The following MORN3 variants were observed in gnomAD, a reference collection of about 807,000 sequenced individuals.
The protein encoded by MORN3 is MORN repeat containing 3, also known as MORN repeat-containing protein 3.
A neutral mutation model predicts 34.7 loss-of-function variants in MORN3; 38 were observed. The observed-to-expected ratio is 1.10, with a 90% CI of 0.85 to 1.44. The LOEUF is 1.44. Ranked by LOEUF, MORN3 falls within the 40% of genes most tolerant of loss-of-function variation. The pLI is 0.00. For synonymous variants in MORN3, 109 were observed against 115.3 expected, an observed-to-expected ratio of 0.95 and a Z score of 0.35; for missense variants, 311 against 321.7, an observed-to-expected ratio of 0.97 and a Z score of 0.25.
chr12:121,671,677 C>T (rs935369344), upstream of MORN3, among the ~76,000 whole-genome samples: 11 of 151,410 alleles, frequency 7.3e-5, no homozygotes, highest in Non-Finnish European at 1.5e-4. Context: ...GTCGGGAGTT[C>T]GAGACCAGCC....
rs1893294907 is a variant in MORN3, at chr12:121,652,996, C to G, written c.648+79G>C. Reference sequence around the variant, plus strand: ...CTGGGCTTGGCTGGGCCTGGCAGATCTGGCCTGGGCATGGCTGGGGATGCT... The same window carrying G: ...CTGGGCTTGGCTGGGCCTGGCAGATGTGGCCTGGGCATGGCTGGGGATGCT... On this transcript the variant is annotated intron_variant, in intron 4 of 5. Transcript: ENST00000355329. The G allele has an allele frequency of 3.3e-6, 5 of 1,499,980 alleles. No individual in the cohort carries two copies. The South Asian group carries it at 5.0e-5, about 15-fold the overall frequency. The allele number at this position is 1,499,980 out of a possible 1,614,324, so 92.9% of individuals were successfully genotyped here.
chr12:121,660,792 C>T (rs569139609), intron 1 of MORN3, among the ~76,000 whole-genome samples: 1 of 151,934 alleles, frequency 6.6e-6, no homozygotes, highest in African/African-American at 2.4e-5. Flanking sequence ...CCTCATCCCC[C>T]CAAGTAGCTG....
chr12:121,672,415 C>A (rs1443724398), upstream of MORN3, among the ~76,000 whole-genome samples: 3 of 151,980 alleles, frequency 2.0e-5, no homozygotes, highest in African/African-American at 7.3e-5. Flanking sequence ...AGCTATCATC[C>A]GGCGCCACTG....
At chr12:121,672,419 G>A (rs1328804793), upstream of MORN3, among the ~76,000 whole-genome samples, 1 of 151,982 alleles carries the variant, frequency 6.6e-6, no homozygotes, top group Admixed American at 6.6e-5. Context: ...ATCATCCGGC[G>A]CCACTGCATT....
At chr12:121,659,655 C>T (rs972520980) in intron 1 of MORN3, among the ~76,000 whole-genome samples, 1 of 151,628 alleles carries the variant, frequency 6.6e-6, no homozygotes, top group African/African-American at 2.4e-5. Flanking sequence ...CTGCCTCAGC[C>T]TCCAGAGTAG....
At chr12:121,659,468 C>T (rs1338350040) in intron 1 of MORN3, 120 bp from the exon 2 acceptor site, 1 of 930,256 alleles carries the variant, frequency 1.1e-6, no homozygotes, top group African/African-American at 1.6e-5. Flanking sequence ...ACAGGCTCTG[C>T]GCATCATCCT....
intron 1 of MORN3, among the ~76,000 whole-genome samples, chr12:121,661,596 G>A (rs1893584451): frequency 6.6e-6 from 1 of 152,206 alleles, no homozygotes; most frequent in South Asian, 2.1e-4. Context: ...TTATGGGGGG[G>A]CTGGGCGCAG....
In MORN3 at chr12:121,654,325, CGT is replaced by C. The variant is rs1491380872; in HGVS notation, c.410_411del (p.Tyr137Ter). On this transcript the variant is annotated frameshift_variant, in exon 3 of 6. Coordinates refer to ENST00000355329, the MANE Select transcript of MORN3 (RefSeq NM_173855.5). LOFTEE classifies it high-confidence loss of function. ...GGCTTGTCGTTCTCCCACTGTCCCTCGTAGATGTCGCCGTTGCTGTAATACAT... is the reference window on the plus strand; with the variant it reads ...GGCTTGTCGTTCTCCCACTGTCCCTCAGATGTCGCCGTTGCTGTAATACAT... ...GRMYYSNGDI[Y>X]EGQWENDKPN... is the part of the protein sequence containing the mutation. The C allele has an allele frequency of 7.5e-6, 12 of 1,602,478 alleles. No homozygotes were observed. The highest frequency in any genetic ancestry group is 1.0e-5 in the Non-Finnish European group (12 of 1,175,398).
chr12:121,658,505 G>T (rs1893477856), intron 2 of MORN3, among the ~76,000 whole-genome samples: 1 of 147,394 alleles, frequency 6.8e-6, no homozygotes. Context: ...GGCGGAGCTC[G>T]CAGTGAGCCA....
chr12:121,670,947 C>G (rs192693001), upstream of MORN3, among the ~76,000 whole-genome samples: 146 of 149,660 alleles, frequency 9.8e-4, 2 homozygotes, highest in East Asian at 0.027. Context: ...CCTGTCTGTA[C>G]TAAAAATACA....
At chr12:121,670,517 A>G (rs1594240452), upstream of MORN3, among the ~76,000 whole-genome samples, 3 of 152,330 alleles carry the variant, frequency 2.0e-5, no homozygotes, top group East Asian at 5.8e-4. Flanking sequence ...ACATATATTG[A>G]AAAAAGGAGG....
Position 121,659,077 on chromosome 12 carries a change from G to A in MORN3, c.303+114C>T, listed in dbSNP as rs1893498202. 13 of 1,394,642 alleles carry A rather than the reference G, an allele frequency of 9.3e-6. No individual in the cohort carries two copies. The South Asian group carries it at 1.8e-4, about 19-fold the overall frequency. 86.4% of individuals were successfully genotyped at this position (1,394,642 alleles called of 1,614,324 possible). On this transcript the variant is annotated intron_variant, in intron 2 of 5. Transcript: ENST00000355329. Reference sequence around the variant, plus strand: ...GCAGCACAACCCTGTCCTCCTCCCTGTAGACCTCCCCTCTCTTTTCTCCCA... The same window carrying A: ...GCAGCACAACCCTGTCCTCCTCCCTATAGACCTCCCCTCTCTTTTCTCCCA...
chr12:121,661,686 G>A (rs1893587469), intron 1 of MORN3, among the ~76,000 whole-genome samples: 1 of 152,092 alleles, frequency 6.6e-6, no homozygotes, highest in African/African-American at 2.4e-5. Flanking sequence ...GACCAGCCTG[G>A]CCAACATAGT....
At chr12:121,668,455 C>T (rs1210867041) in intron 1 of MORN3, among the ~76,000 whole-genome samples, 2 of 152,120 alleles carry the variant, frequency 1.3e-5, no homozygotes, top group African/African-American at 2.4e-5. Flanking sequence ...GCAGGAGAAT[C>T]GCCTGAACTC....
intron 1 of MORN3, among the ~76,000 whole-genome samples, chr12:121,667,094 G>A (rs530003392): frequency 6.6e-6 from 1 of 151,426 alleles, no homozygotes; most frequent in East Asian, 1.9e-4. Flanking sequence ...CCAAGTAGCT[G>A]GGATTACAGG....
chr12:121,663,019 G>T (rs1246931560), intron 1 of MORN3, among the ~76,000 whole-genome samples: 1 of 151,970 alleles, frequency 6.6e-6, no homozygotes, highest in Non-Finnish European at 1.5e-5. Context: ...CAAAGATCTG[G>T]AGACCTGGTG....
chr12:121,668,170 T>C (rs1893830657), intron 1 of MORN3, among the ~76,000 whole-genome samples: 1 of 150,332 alleles, frequency 6.7e-6, no homozygotes, highest in Admixed American at 6.6e-5. Context: ...ACACCCAGCC[T>C]GGAACTGGGA....
intron 5 of MORN3, 150 bp downstream of exon 5, chr12:121,652,578 T>C (rs1893283256): frequency 3.1e-6 from 2 of 650,416 alleles, no homozygotes; most frequent in African/African-American, 1.8e-5. Flanking sequence ...CACCTGGGAC[T>C]GTAGGAGGCA....
chr12:121,671,966 A>T (rs1168359093), upstream of MORN3, among the ~76,000 whole-genome samples: 1 of 152,138 alleles, frequency 6.6e-6, no homozygotes, highest in Non-Finnish European at 1.5e-5. Flanking sequence ...CTTACTCAGA[A>T]TTGCAAGAGA....
Sources: gnomAD v4.1 joint callset for allele counts (sites outside exome capture counted in the v4.1 genomes callset) on GRCh38, gnomAD v4.1.1 for gene constraint, MANE v1.5 for transcripts, NCBI Gene and HGNC (gene_info 2026-07-23, HGNC 2026-07-21) for gene names.